Variants in RRM1 observed in about 807,000 individuals in gnomAD.
RRM1 encodes the protein ribonucleotide reductase catalytic subunit M1, also known as ribonucleoside-diphosphate reductase large subunit.
Under a neutral mutation model 101.5 loss-of-function variants are expected in RRM1, and 19 were observed. The ratio of observed to expected loss-of-function variants is 0.19; its 90% CI spans 0.13 to 0.27. The LOEUF is 0.27. Among genes scored for constraint, RRM1 ranks in the 10% least tolerant of loss-of-function variants. RRM1 has a pLI of 1.00. For missense variants in RRM1, 500 were observed against 962.9 expected (o/e 0.52, Z 6.36); for synonymous variants, 298 against 323.4 (o/e 0.92, Z 0.84).
At chr11:4,130,718 A>G (rs2094598645) in intron 15 of RRM1, among the ~76,000 whole-genome samples, 1 of 152,138 alleles carries the variant, frequency 6.6e-6, no homozygotes, top group African/African-American at 2.4e-5. Flanking sequence ...GTATTCTGAG[A>G]CTTGTTATTT....
intron 15 of RRM1, among the ~76,000 whole-genome samples, chr11:4,131,640 G>C (rs1321345343): frequency 2.6e-5 from 4 of 152,222 alleles, no homozygotes; most frequent in Non-Finnish European, 5.9e-5. Flanking sequence ...GAGCTTTGAA[G>C]GTGAGCCAGG....
At chr11:4,126,545 GAATGATGAAGAGGGAGAAGTCA>G in intron 12 of RRM1, 117 bp from the exon 13 acceptor site, 1 of 675,910 alleles carries the variant, frequency 1.5e-6, no homozygotes. Flanking sequence ...ATGGACTGAT[GAATGATGAAGAGGGAGAAGTCA>G]AATATAAAAA....
At chr11:4,099,118 A>G (rs2094547349) in intron 1 of RRM1, among the ~76,000 whole-genome samples, 1 of 152,052 alleles carries the variant, frequency 6.6e-6, no homozygotes, top group African/African-American at 2.4e-5. Context: ...AGGAAATCAC[A>G]CTAGTATGCT....
At chr11:4,137,458 A>C (rs1565192273) in intron 18 of RRM1, among the ~76,000 whole-genome samples, 4 of 111,708 alleles carry the variant, frequency 3.6e-5, no homozygotes, top group South Asian at 3.3e-4. Context: ...TCACACCCCC[A>C]CCTCCCTCCC....
In RRM1 at chr11:4,112,067, G is replaced by T. The variant is rs752201006; in HGVS notation, c.650+5G>T. Reference sequence around the variant, plus strand: ...CAACCGCCCACAACTTTCTAGGTAGGTGTTTTGAGTAGGGAAATACGCCTT... The same window carrying T: ...CAACCGCCCACAACTTTCTAGGTAGTTGTTTTGAGTAGGGAAATACGCCTT... On this transcript the variant is annotated splice_donor_5th_base_variant and intron_variant, in intron 7 of 18. Transcript: ENST00000300738. The T allele has an allele frequency of 6.2e-7, 1 of 1,610,506 alleles. No individual in the cohort carries two copies. Among genetic ancestry groups the T allele is most frequent in the Non-Finnish European group, 8.5e-7 (1 of 1,178,308 alleles).
chr11:4,107,552 T>C lies in RRM1; in HGVS notation c.387+17T>C, dbSNP rs758293165. On this transcript the variant is annotated intron_variant, in intron 4 of 18. Transcript: ENST00000300738. Reference sequence around the variant, plus strand: ...AATAAAGATGTATGTATAACACTTATCTGGTGGAAATTTTTTGAGAGTCTT... The same window carrying C: ...AATAAAGATGTATGTATAACACTTACCTGGTGGAAATTTTTTGAGAGTCTT... The C allele has an allele frequency of 5.0e-5, 76 of 1,535,050 alleles. No individual in the cohort carries two copies. The highest frequency in any genetic ancestry group is 7.0e-5 in the South Asian group (6 of 85,942).
In RRM1 at chr11:4,112,070, T is replaced by A; in HGVS notation, c.650+8T>A. ...CCGCCCACAACTTTCTAGGTAGGTG[T>A]TTTGAGTAGGGAAATACGCCTTGAC... On this transcript the variant is annotated splice_region_variant and intron_variant, in intron 7 of 18. Transcript: ENST00000300738. 6.2e-7 allele frequency: 1 copy of A among 1,610,092 alleles called. No homozygotes were observed. The highest frequency in any genetic ancestry group is 8.5e-7 in the Non-Finnish European group (1 of 1,178,020).
At chr11:4,124,922 T>TA (rs1554975529) in intron 12 of RRM1, among the ~76,000 whole-genome samples, 1 of 146,094 alleles carries the variant, frequency 6.8e-6, no homozygotes, top group Non-Finnish European at 1.5e-5. Flanking sequence ...TTTATTTTAT[T>TA]TTTTTTTTTT....
intron 5 of RRM1, among the ~76,000 whole-genome samples, chr11:4,110,186 T>C (rs1342919986): frequency 6.6e-6 from 1 of 152,118 alleles, no homozygotes; most frequent in Admixed American, 6.5e-5. Flanking sequence ...TGTGTCTCAC[T>C]GTGTTGACTA....
At position 4,113,117 on chromosome 11, in the gene RRM1, T is replaced by TA. The variant is rs5789320; in HGVS notation, c.650+1066dup. Among the ~76,000 whole-genome samples, 957 of 150,110 alleles carry TA rather than the reference T, an allele frequency of 6.4e-3. 4 individuals are homozygous for TA. Among genetic ancestry groups the TA allele is most frequent in the African/African-American group, 0.022 (893 of 40,904 alleles). ...GAACACTAACGGTCTGGTAATACAT[T>TA]AAAAAAAAAAATATGCCATTATCAA... On this transcript the variant is annotated intron_variant, in intron 7 of 18. Coordinates refer to ENST00000300738, the MANE Select transcript of RRM1 (RefSeq NM_001033.5).
chr11:4,134,412 A>G (rs1461614544), intron 17 of RRM1, among the ~76,000 whole-genome samples: 1 of 152,256 alleles, frequency 6.6e-6, no homozygotes, highest in African/African-American at 2.4e-5. Flanking sequence ...TCCAAAAGAC[A>G]GAGTCACAAA....
rs2094602475 is a variant in RRM1, at chr11:4,132,684, TTATGTAATCATAGTGA to T, written c.1905+267_1905+282del. Reference sequence around the variant, plus strand: ...GATAGTTAAACATGATGTTTAACCATTATGTAATCATAGTGATATATTCTATAACTTCTCCCAGATG... The same window carrying T: ...GATAGTTAAACATGATGTTTAACCATTATATTCTATAACTTCTCCCAGATG... On this transcript the variant is annotated intron_variant, in intron 16 of 18. Coordinates refer to ENST00000300738, the MANE Select transcript of RRM1 (RefSeq NM_001033.5). This position sits in a 1 kb window ranked among gnomAD's most constrained non-coding sequence, Gnocchi z 4.1. 6.6e-6 allele frequency among the ~76,000 whole-genome samples: 1 copy of T among 152,236 alleles called. No homozygotes were observed. The highest frequency in any genetic ancestry group is 1.5e-5 in the Non-Finnish European group (1 of 68,048).
intron 17 of RRM1, 96 bp downstream of exon 17, chr11:4,133,754 G>A (rs1417234975): frequency 7.3e-6 from 5 of 686,892 alleles, no homozygotes; most frequent in Non-Finnish European, 1.3e-5. Context: ...TGACTTCATT[G>A]TGTTCATCTA....
chr11:4,101,190 A>G (rs1397067814), intron 1 of RRM1, among the ~76,000 whole-genome samples: 1 of 152,174 alleles, frequency 6.6e-6, no homozygotes, highest in Non-Finnish European at 1.5e-5. Flanking sequence ...ACATTGAGCA[A>G]AAGACCTAAA....
chr11:4,131,641 G>T (rs1466641688), intron 15 of RRM1, among the ~76,000 whole-genome samples: 1 of 152,226 alleles, frequency 6.6e-6, no homozygotes, highest in East Asian at 1.9e-4. Context: ...AGCTTTGAAG[G>T]TGAGCCAGGG....
intron 2 of RRM1, among the ~76,000 whole-genome samples, chr11:4,104,239 A>G (rs1016285489): frequency 7.9e-5 from 12 of 152,228 alleles, no homozygotes; most frequent in Non-Finnish European, 8.8e-5. Flanking sequence ...CACTGCTCTT[A>G]TACTGAACAC....
At chr11:4,134,000 T>G (rs1040820922) in intron 17 of RRM1, among the ~76,000 whole-genome samples, 1 of 147,294 alleles carries the variant, frequency 6.8e-6, no homozygotes, top group African/African-American at 2.5e-5. Context: ...TTTTTTTTTT[T>G]TTTTGAGACG....
rs1003252307 is a variant in RRM1, at chr11:4,138,767, G to C, written c.*384G>C. The stretch of plus-strand genomic sequence containing the variant: ...TTTAGTTTTACTGCTTTGACTGGTG[G>C]GTCTCTAGAAGCAAAACTGAGTGAT... On this transcript the variant is annotated 3_prime_UTR_variant, in exon 19 of 19. Transcript: ENST00000300738. The C allele has an allele frequency of 5.2e-5, 11 of 211,954 alleles. No individual in the cohort carries two copies. The highest frequency in any genetic ancestry group is 2.5e-4 in the African/African-American group (11 of 44,196). The allele number at this position is 211,954 out of a possible 1,614,324, so 13.1% of individuals were successfully genotyped here. A position where few individuals can be genotyped will look rare whatever the true frequency, so the allele number is the denominator to read the frequency against.
chr11:4,110,394 C>T (rs1485244602), intron 5 of RRM1, among the ~76,000 whole-genome samples: 1 of 152,078 alleles, frequency 6.6e-6, no homozygotes, highest in African/African-American at 2.4e-5. Context: ...CTCAGGTGAT[C>T]CACCCACCTT....
Sources: allele counts gnomAD v4.1 joint callset (sites outside exome capture counted in the v4.1 genomes callset), GRCh38; gene constraint gnomAD v4.1.1; non-coding constraint Gnocchi (gnomAD v3.1); transcripts MANE v1.5; gene names NCBI Gene and HGNC (gene_info 2026-07-23, HGNC 2026-07-21).